The following CDADC1 variants were observed in gnomAD, a reference collection of about 807,000 sequenced individuals.
CDADC1 encodes the protein dCTP deaminase.
CDADC1 carries 39 observed loss-of-function variants against 54.9 expected under a neutral mutation model. That is an observed-to-expected ratio of 0.71 (90% CI 0.55 to 0.93). The LOEUF (loss-of-function observed/expected upper bound fraction) is 0.93, where lower values mean the gene tolerates loss of function less well. Among genes scored for constraint, CDADC1 ranks in the 40% least tolerant of loss-of-function variants. The pLI, the probability that CDADC1 is intolerant of heterozygous loss-of-function variation, is 0.00. For missense variants in CDADC1, 518 were observed against 618.8 expected (o/e 0.84, Z 1.73); for synonymous variants, 186 against 204.0 (o/e 0.91, Z 0.75).
chr13:49,260,225 G>A (rs923662657), intron 4 of CDADC1, among the ~76,000 whole-genome samples: 1 of 152,204 alleles, frequency 6.6e-6, no homozygotes, highest in Non-Finnish European at 1.5e-5. Context: ...CTCAGTGTAT[G>A]AGTAGACTAA....
rs186438113 is a variant in CDADC1, at chr13:49,269,575, A to G, written c.1000+1516A>G. On this transcript the variant is annotated intron_variant, in intron 5 of 9. Transcript: ENST00000251108. ...AATTATATTCTATTGTGGGTTATAT[A>G]TTTGTTTCTTTGCCAACTCCAGCTT... Among the ~76,000 whole-genome samples, 62 of 152,308 alleles carry G rather than the reference A, an allele frequency of 4.1e-4. 1 individual carries two copies. In the East Asian group the frequency reaches 9.8e-3, roughly 24 times the overall value.
chr13:49,281,345 G>T (rs538110990), intron 8 of CDADC1, among the ~76,000 whole-genome samples: 30 of 152,164 alleles, frequency 2.0e-4, no homozygotes, highest in Non-Finnish European at 3.4e-4. Flanking sequence ...GAGGTGGATA[G>T]AGGTGAAAAT....
Position 49,291,976 on chromosome 13 carries a change from T to A in CDADC1, c.*219T>A. 7.8e-7 allele frequency: 1 copy of A among 1,282,198 alleles called. No homozygotes were observed. The highest frequency in any genetic ancestry group is 9.9e-7 in the Non-Finnish European group (1 of 1,011,272). The allele number at this position is 1,282,198 out of a possible 1,614,324, so 79.4% of individuals were successfully genotyped here. ...CATAATGTAGTAGTGTGTTATTTTA[T>A]TACACGAAATGAGGGAGCAATAACT... On this transcript the variant is annotated 3_prime_UTR_variant, in exon 10 of 10. Transcript: ENST00000251108.
chr13:49,291,344 A>AT (rs34129600), intron 9 of CDADC1, among the ~76,000 whole-genome samples: 86,787 of 149,850 alleles, frequency 0.58, 25,881 homozygotes, highest in Non-Finnish European at 0.66. Flanking sequence ...AAAAAAAAAA[A>AT]TTTTTTTTGT....
rs1953755082 is a variant in CDADC1 at position 49,293,021 on chromosome 13, G to T, written c.*1264G>T. On this transcript the variant is annotated 3_prime_UTR_variant, in exon 10 of 10. Transcript: ENST00000251108. ...TCATCATACAAGGCAGCCAAGAACT[G>T]CCATAAACACTACACAGATGGAGGG... The T allele has an allele frequency of 8.2e-6, 2 of 244,744 alleles. No individual in the cohort carries two copies. The highest frequency in any genetic ancestry group is 1.6e-5 in the Non-Finnish European group (2 of 122,196). The allele number at this position is 244,744 out of a possible 1,614,324, so 15.2% of individuals were successfully genotyped here.
intron 3 of CDADC1, among the ~76,000 whole-genome samples, chr13:49,256,631 C>T (rs1350080246): frequency 1.3e-5 from 2 of 152,130 alleles, no homozygotes; most frequent in Admixed American, 1.3e-4. Flanking sequence ...AAAGATGAAC[C>T]TTGTTCTTTT....
Position 49,259,422 on chromosome 13 carries a change from C to A in CDADC1, c.329C>A (p.Ala110Asp), listed in dbSNP as rs1952618971. The A allele has an allele frequency of 4.3e-6, 7 of 1,613,802 alleles. No individual in the cohort carries two copies. Among genetic ancestry groups the A allele is most frequent in the Non-Finnish European group, 5.9e-6 (7 of 1,179,838 alleles). The change falls in exon 4 of 10, where the codon GCC (alanine) becomes GAC (aspartate). Residue 110 changes from alanine to aspartate, a missense_variant. Ala to Asp is a moderately radical substitution (Grantham distance 126, BLOSUM62 -2). Transcript: ENST00000251108. The stretch of plus-strand genomic sequence containing the variant: ...CACTGTTCTAGTGAAGATTTACATG[C>A]CGGGCAGATTGCTCTTATTAAACAT... ...GLHCSSEDLH[A>D]GQIALIKHGS...
chr13:49,248,691 C>G (rs896745677), intron 1 of CDADC1, among the ~76,000 whole-genome samples, 180 bp from the exon 2 acceptor site: 2 of 152,044 alleles, frequency 1.3e-5, no homozygotes, highest in Non-Finnish European at 2.9e-5. Context: ...AAGGAGGTAG[C>G]CACGACTAAG....
intron 8 of CDADC1, among the ~76,000 whole-genome samples, chr13:49,282,871 C>T (rs1011615095): frequency 6.6e-6 from 1 of 152,248 alleles, no homozygotes. Context: ...GATGATCCCC[C>T]ATTCCTCACC....
At chr13:49,265,466 T>G (rs1362726703) in intron 4 of CDADC1, among the ~76,000 whole-genome samples, 1 of 152,196 alleles carries the variant, frequency 6.6e-6, no homozygotes, top group Non-Finnish European at 1.5e-5. Context: ...TGCTCAGTTT[T>G]GTCCTTCCAC....
At chr13:49,268,817 T>C (rs191829396) in intron 5 of CDADC1, among the ~76,000 whole-genome samples, 68 of 152,346 alleles carry the variant, frequency 4.5e-4, no homozygotes, top group African/African-American at 1.6e-3. Flanking sequence ...TGGTGATTAT[T>C]GCAGATTCTT....
intron 8 of CDADC1, among the ~76,000 whole-genome samples, chr13:49,282,223 C>G (rs1341833578): frequency 6.8e-5 from 8 of 117,934 alleles, no homozygotes; most frequent in Non-Finnish European, 1.3e-4. Flanking sequence ...TATTTGGGTT[C>G]TGGTTTTTGT....
In CDADC1 at chr13:49,249,732, CA is replaced by C. The variant is rs895539356; in HGVS notation, c.177+777del. ...TGGGTGACAGAGCAAGACTCCATCT[CA>C]AAAAAAAAATCAGAAATGTATAGTA... is the stretch of plus-strand genomic sequence containing the variant. On this transcript the variant is annotated intron_variant, in intron 2 of 9. Coordinates refer to ENST00000251108, the MANE Select transcript of CDADC1 (RefSeq NM_030911.4). 7.4e-5 allele frequency among the ~76,000 whole-genome samples: 11 copies of C among 147,686 alleles called. No individual in the cohort carries two copies. In the East Asian group the frequency reaches 9.8e-4, roughly 13 times the overall value.
chr13:49,257,760 AAATC>A (rs536095687), intron 3 of CDADC1, among the ~76,000 whole-genome samples: 504 of 152,092 alleles, frequency 3.3e-3, no homozygotes, highest in Non-Finnish European at 5.5e-3. Flanking sequence ...AGACTGTCTC[AAATC>A]AATCAATCAA....
rs77536331 is a variant in CDADC1, at chr13:49,250,616, A to G, written c.177+1651A>G. Among the ~76,000 whole-genome samples, 142 of 152,350 alleles carry G rather than the reference A, an allele frequency of 9.3e-4. No homozygotes were observed. In the East Asian group the frequency reaches 0.013, roughly 14 times the overall value. On this transcript the variant is annotated intron_variant, in intron 2 of 9. Transcript: ENST00000251108. ...CAGAAAGTGAAGTTAGGTAGAGGGA[A>G]GAGACTGGAAAGGAGCTTGACAATG...
At chr13:49,277,513 A>C (rs1272881107) in intron 6 of CDADC1, among the ~76,000 whole-genome samples, 2 of 152,110 alleles carry the variant, frequency 1.3e-5, no homozygotes, top group Non-Finnish European at 2.9e-5. Flanking sequence ...TAATGAGATA[A>C]TATTTTGTTT....
At chr13:49,276,711 C>G (rs1292563454) in intron 6 of CDADC1, among the ~76,000 whole-genome samples, 1 of 152,210 alleles carries the variant, frequency 6.6e-6, no homozygotes, top group Non-Finnish European at 1.5e-5. Context: ...AGAAATTCCT[C>G]AGCACTCTGT....
At chr13:49,279,670 A>G (rs1953259509) in intron 7 of CDADC1, among the ~76,000 whole-genome samples, 1 of 152,210 alleles carries the variant, frequency 6.6e-6, no homozygotes, top group Non-Finnish European at 1.5e-5. Context: ...GATGCATAGA[A>G]TTCTGTTGCC....
At position 49,248,076 on chromosome 13, in the gene CDADC1, G is replaced by T; in HGVS notation, c.39G>T (p.Ala13=). 6.4e-7 allele frequency: 1 copy of T among 1,553,884 alleles called. No homozygotes were observed. The highest frequency in any genetic ancestry group is 8.7e-7 in the Non-Finnish European group (1 of 1,148,362). ...EAGQMQNLES[A]RAGRSVSTQT... is the part of the protein sequence containing the mutation. Reference sequence around the variant, plus strand: ...GGCAGATGCAAAATCTGGAGAGCGCGAGGGCCGGGCGGTCAGTCAGCACCC... The same window carrying T: ...GGCAGATGCAAAATCTGGAGAGCGCTAGGGCCGGGCGGTCAGTCAGCACCC... Residue 13 remains alanine, a synonymous_variant, in exon 1 of 10, where the codon GCG becomes GCT. Transcript: ENST00000251108.
Sources: gnomAD v4.1 joint callset for allele counts (sites outside exome capture counted in the v4.1 genomes callset) on GRCh38, gnomAD v4.1.1 for gene constraint, MANE v1.5 for transcripts, NCBI Gene and HGNC (gene_info 2026-07-23, HGNC 2026-07-21) for gene names.